PCAT7: variants seen among roughly 807,000 people sequenced by gnomAD.
PCAT7 encodes prostate cancer associated transcript 7 (non-protein coding).
intron 2 of PCAT7, among the ~76,000 whole-genome samples, chr9:94,561,619 C>T (rs1315739161): frequency 6.6e-6 from 1 of 152,066 alleles, no homozygotes; most frequent in African/African-American, 2.4e-5. Context: ...CCCGCCTTGG[C>T]CTCCCAAAGT....
At chr9:94,558,812 C>T (rs1827047556) in intron 1 of PCAT7, 1 of 870,202 alleles carries the variant, frequency 1.1e-6, no homozygotes, top group Non-Finnish European at 1.8e-6. Context: ...TGTTGTTGCT[C>T]TTCTGTATGT....
intron 2 of PCAT7, among the ~76,000 whole-genome samples, chr9:94,559,312 G>C (rs371689968): frequency 6.6e-6 from 1 of 152,208 alleles, no homozygotes; most frequent in African/African-American, 2.4e-5. Flanking sequence ...AGATGCATCA[G>C]ATGGCACTCA....
chr9:94,571,260 C>T (rs986567779), intron 2 of PCAT7, among the ~76,000 whole-genome samples: 4 of 152,140 alleles, frequency 2.6e-5, no homozygotes, highest in African/African-American at 9.7e-5. Flanking sequence ...GCAGGACACT[C>T]CTCCCCCCGA....
intron 2 of PCAT7, among the ~76,000 whole-genome samples, chr9:94,565,362 C>T (rs1266735594): frequency 2.9e-5 from 3 of 103,930 alleles, no homozygotes; most frequent in African/African-American, 1.4e-4. Flanking sequence ...GAGCAAGACT[C>T]CACCTCAAAA....
chr9:94,567,404 G>A (rs1293258808), intron 2 of PCAT7: 1 of 1,613,952 alleles, frequency 6.2e-7, no homozygotes, highest in Middle Eastern at 1.6e-4. Context: ...AATTCACCAA[G>A]AGCCTAGCAA....
chr9:94,565,111 C>T (rs982881032), intron 2 of PCAT7, among the ~76,000 whole-genome samples: 1 of 152,070 alleles, frequency 6.6e-6, no homozygotes, highest in East Asian at 1.9e-4. Context: ...TGGTGGTTCA[C>T]GCCTGTAATC....
chr9:94,571,401 C>T (rs559659069), intron 2 of PCAT7: 7 of 1,469,916 alleles, frequency 4.8e-6, no homozygotes, highest in Admixed American at 2.1e-5. Context: ...AGAGAACTGG[C>T]ATTAAGGCAC....
intron 2 of PCAT7, chr9:94,571,680 A>G (rs1827272021): frequency 2.3e-6 from 3 of 1,280,534 alleles, no homozygotes; most frequent in South Asian, 1.6e-5. Context: ...TGGGCTTCAG[A>G]TCTCCTCGAA....
intron 2 of PCAT7, among the ~76,000 whole-genome samples, chr9:94,561,871 T>C (rs144009808): frequency 3.9e-5 from 6 of 152,182 alleles, no homozygotes; most frequent in African/African-American, 1.4e-4. Flanking sequence ...GATCTATCTA[T>C]GGAGTGACAT....
At chr9:94,558,244 A>G (rs932847695) in intron 1 of PCAT7, among the ~76,000 whole-genome samples, 3 of 152,184 alleles carry the variant, frequency 2.0e-5, no homozygotes, top group African/African-American at 7.2e-5. Flanking sequence ...GAGGGAGGTA[A>G]TCACTACAGG....
intron 2 of PCAT7, chr9:94,567,305 T>C (rs112480079): frequency 6.2e-7 from 1 of 1,614,070 alleles, no homozygotes; most frequent in Non-Finnish European, 8.5e-7. Context: ...TATTCAGTGG[T>C]GGCCGCATCA....
intron 3 of PCAT7, among the ~76,000 whole-genome samples, chr9:94,573,482 C>T (rs1827288938): frequency 6.6e-6 from 1 of 151,904 alleles, no homozygotes; most frequent in Non-Finnish European, 1.5e-5. Flanking sequence ...TGGTCTCAAA[C>T]TCCTGGCCTC....
intron 2 of PCAT7, chr9:94,570,383 C>G (rs1349968689): frequency 9.2e-5 from 14 of 152,210 alleles, no homozygotes. Flanking sequence ...AAGTTACTCA[C>G]TCTCTCTACG....
chr9:94,561,003 A>C (rs111435358), intron 2 of PCAT7, among the ~76,000 whole-genome samples: 14 of 152,150 alleles, frequency 9.2e-5, no homozygotes, highest in African/African-American at 3.4e-4. Flanking sequence ...CTGGGGGCAG[A>C]TAGTTCTGTC....
At chr9:94,565,482 C>T (rs980740841) in intron 2 of PCAT7, among the ~76,000 whole-genome samples, 20 of 151,336 alleles carry the variant, frequency 1.3e-4, no homozygotes, top group African/African-American at 4.9e-4. Flanking sequence ...TGATGTGTTA[C>T]ACAGGAACAC....
intron 2 of PCAT7, among the ~76,000 whole-genome samples, chr9:94,561,526 C>A (rs1292855777): frequency 6.6e-6 from 1 of 151,988 alleles, no homozygotes; most frequent in African/African-American, 2.4e-5. Context: ...CCACGCCTGG[C>A]TAATTATTTT....
At chr9:94,571,122 T>C (rs1403330695) in intron 2 of PCAT7, among the ~76,000 whole-genome samples, 1 of 152,204 alleles carries the variant, frequency 6.6e-6, no homozygotes, top group Non-Finnish European at 1.5e-5. Context: ...AACGAACCCA[T>C]GCTTCTGCTG....
At chr9:94,563,885 A>C (rs566953783) in intron 2 of PCAT7, among the ~76,000 whole-genome samples, 3 of 152,354 alleles carry the variant, frequency 2.0e-5, no homozygotes, top group African/African-American at 7.2e-5. Flanking sequence ...AGTTCAAAAA[A>C]GACGAAAAGG....
intron 2 of PCAT7, chr9:94,563,572 C>T (rs1649528086): frequency 3.5e-6 from 4 of 1,153,734 alleles, no homozygotes; most frequent in Middle Eastern, 2.0e-4. Context: ...GAATCCCTAT[C>T]CTCCACCCAC....
Sources: gnomAD v4.1 joint callset for allele counts (sites outside exome capture counted in the v4.1 genomes callset) on GRCh38, gnomAD v4.1.1 for gene constraint, MANE v1.5 for transcripts, NCBI Gene and HGNC (gene_info 2026-07-23, HGNC 2026-07-21) for gene names.